MAGI1: variants seen among roughly 807,000 people sequenced by gnomAD.
MAGI1 encodes membrane-associated guanylate kinase, WW and PDZ domain-containing protein 1.
Under a neutral mutation model 139.9 loss-of-function variants are expected in MAGI1, and 58 were observed. That is an observed-to-expected ratio of 0.41 (90% CI 0.34 to 0.52). The LOEUF (loss-of-function observed/expected upper bound fraction) is 0.52. MAGI1 is among the 20% of genes least tolerant of loss of function. The pLI, the probability that MAGI1 is intolerant of heterozygous loss-of-function variation, is 0.12. For missense variants in MAGI1, 1,874 were observed against 1,901.6 expected (o/e 0.99, Z 0.27); for synonymous variants, 812 against 737.9 (o/e 1.10, Z -1.63).
chr3:65,569,758 T>C (rs1294186794), intron 2 of MAGI1, among the ~76,000 whole-genome samples: 1 of 151,672 alleles, frequency 6.6e-6, no homozygotes, highest in Admixed American at 6.6e-5. Flanking sequence ...GCGCCTGTAG[T>C]CCCTTCTACT....
chr3:65,562,667 T>A (rs139606893), intron 2 of MAGI1, among the ~76,000 whole-genome samples: 27 of 152,310 alleles, frequency 1.8e-4, no homozygotes, highest in African/African-American at 6.5e-4. Context: ...TTATGACTCT[T>A]GAAAGAACAC....
At chr3:65,448,592 G>A (rs901047133) in intron 6 of MAGI1, among the ~76,000 whole-genome samples, 4 of 152,004 alleles carry the variant, frequency 2.6e-5, no homozygotes, top group Non-Finnish European at 4.4e-5. Flanking sequence ...AAAAGGAGCT[G>A]GAAAGATGAA....
intron 1 of MAGI1, among the ~76,000 whole-genome samples, chr3:65,953,272 A>G (rs1202495758): frequency 6.6e-6 from 1 of 152,218 alleles, no homozygotes; most frequent in African/African-American, 2.4e-5. Flanking sequence ...CTTCTGGCCT[A>G]TTCACAGGCA....
chr3:65,385,518 GGATGTTTA>G (rs1335256812), intron 14 of MAGI1, among the ~76,000 whole-genome samples: 1 of 152,140 alleles, frequency 6.6e-6, no homozygotes, highest in Non-Finnish European at 1.5e-5. Flanking sequence ...AGAAGAAGGT[GGATGTTTA>G]GATTTTAGGT....
rs562879239 is a variant in MAGI1 at position 65,502,146 on chromosome 3, T to C, written c.431-8515A>G. Among the ~76,000 whole-genome samples the C allele has an allele frequency of 3.3e-5, 5 of 152,314 alleles. No individual in the cohort carries two copies. The South Asian group carries it at 1.0e-3, about 32-fold the overall frequency. ...CCATAGCGCACACCACGAATGGTGA[T>C]TTTTACTGTGTATAATTTTTTAAAA... On this transcript the variant is annotated intron_variant, in intron 2 of 22. Coordinates refer to ENST00000402939, the MANE Select transcript of MAGI1 (RefSeq NM_001033057.2).
intron 1 of MAGI1, among the ~76,000 whole-genome samples, chr3:65,838,695 A>C (rs1478476344): frequency 6.6e-6 from 1 of 152,232 alleles, no homozygotes; most frequent in African/African-American, 2.4e-5. Context: ...ACAATCATGT[A>C]CAGGTTTTTG....
intron 1 of MAGI1, among the ~76,000 whole-genome samples, chr3:65,757,165 T>G (rs972395366): frequency 5.3e-5 from 8 of 152,192 alleles, no homozygotes; most frequent in African/African-American, 1.9e-4. Context: ...TATATTTGAT[T>G]GTCTATGTTA....
At chr3:65,374,552 A>T (rs1181798301) in intron 18 of MAGI1, among the ~76,000 whole-genome samples, 1 of 152,112 alleles carries the variant, frequency 6.6e-6, no homozygotes, top group African/African-American at 2.4e-5. Context: ...TCCTGACCTC[A>T]GGTGATCCAC....
In MAGI1 at chr3:65,381,862, G is replaced by C; in HGVS notation, c.2701+15C>G. On this transcript the variant is annotated intron_variant, in intron 16 of 22. Transcript: ENST00000402939. ...GTGACAACGCACTGTCTGAAGGAAT[G>C]AATGAAATACATACCCGCAAAAACC... is the stretch of plus-strand genomic sequence containing the variant. The C allele has an allele frequency of 6.3e-7, 1 of 1,596,874 alleles. No individual in the cohort carries two copies. The highest frequency in any genetic ancestry group is 2.2e-5 in the East Asian group (1 of 44,712).
intron 1 of MAGI1, among the ~76,000 whole-genome samples, chr3:65,707,935 T>C (rs1168456525): frequency 6.6e-6 from 1 of 152,114 alleles, no homozygotes; most frequent in African/African-American, 2.4e-5. Context: ...TGTAACTGTG[T>C]GAAGAATATA....
intron 1 of MAGI1, among the ~76,000 whole-genome samples, chr3:65,678,030 G>C (rs1207625723): frequency 6.6e-6 from 1 of 152,204 alleles, no homozygotes; most frequent in Non-Finnish European, 1.5e-5. Flanking sequence ...CAGGGACATG[G>C]ATGAAGCTGG....
chr3:65,503,998 C>T (rs2077181958), intron 2 of MAGI1, among the ~76,000 whole-genome samples: 1 of 152,112 alleles, frequency 6.6e-6, no homozygotes, highest in Admixed American at 6.6e-5. Flanking sequence ...AAATGTGAAC[C>T]TTCCAGATTG....
chr3:65,506,296 C>A (rs938254442), intron 2 of MAGI1, among the ~76,000 whole-genome samples: 1 of 152,152 alleles, frequency 6.6e-6, no homozygotes. Context: ...AAATGCTTAA[C>A]CTGGTCATAA....
chr3:65,695,728 T>C (rs931936040), intron 1 of MAGI1, among the ~76,000 whole-genome samples: 1 of 152,088 alleles, frequency 6.6e-6, no homozygotes, highest in African/African-American at 2.4e-5. Context: ...GGAAAAGAAA[T>C]AAAAAGACTT....
chr3:65,950,067 CA>C (rs61696952), intron 1 of MAGI1, among the ~76,000 whole-genome samples: 57,943 of 76,430 alleles, frequency 0.76, 20,450 homozygotes, highest in Non-Finnish European at 0.79. Context: ...AACAAAAAAA[CA>C]AAAAAAAAAC....
intron 1 of MAGI1, among the ~76,000 whole-genome samples, chr3:65,673,576 G>A (rs1374309651): frequency 6.6e-6 from 1 of 152,126 alleles, no homozygotes; most frequent in Non-Finnish European, 1.5e-5. Context: ...CTCTGCCACA[G>A]CCTGCTGTGT....
chr3:65,357,655 C>T (rs888498977), intron 22 of MAGI1, among the ~76,000 whole-genome samples: 6 of 152,100 alleles, frequency 3.9e-5, no homozygotes, highest in African/African-American at 1.4e-4. Context: ...GAATCATCTA[C>T]ATCTTATCTG....
Position 65,872,637 on chromosome 3 carries a change from T to G in MAGI1, c.313+165359A>C, listed in dbSNP as rs2059977686. Among the ~76,000 whole-genome samples the G allele has an allele frequency of 5.9e-5, 9 of 152,304 alleles. No homozygotes were observed. In the South Asian group the frequency reaches 1.9e-3, roughly 32 times the overall value. The stretch of plus-strand genomic sequence containing the variant: ...CAGACAATAAATAGAGCAGCTTTAT[T>G]GAAAATAGCCCCAAACTACAAGCTA... On this transcript the variant is annotated intron_variant, in intron 1 of 22. Coordinates refer to ENST00000402939, the MANE Select transcript of MAGI1 (RefSeq NM_001033057.2).
At chr3:65,387,529 C>G (rs1050272908) in intron 14 of MAGI1, among the ~76,000 whole-genome samples, 1 of 152,088 alleles carries the variant, frequency 6.6e-6, no homozygotes, top group African/African-American at 2.4e-5. Flanking sequence ...AATGGCCTTA[C>G]TTCAATCATG....
Sources: allele counts gnomAD v4.1 joint callset (sites outside exome capture counted in the v4.1 genomes callset), GRCh38; gene constraint gnomAD v4.1.1; transcripts MANE v1.5; gene names NCBI Gene and HGNC (gene_info 2026-07-23, HGNC 2026-07-21).